ALG11: variants seen among roughly 807,000 people sequenced by gnomAD.
ALG11 encodes ALG11 alpha-1,2-mannosyltransferase, also known as GDP-Man:Man(3)GlcNAc(2)-PP-Dol alpha-1,2-mannosyltransferase.
A neutral mutation model predicts 38.8 loss-of-function variants in ALG11; 26 were observed. That is an observed-to-expected ratio of 0.67 (90% CI 0.49 to 0.93). The LOEUF (loss-of-function observed/expected upper bound fraction) is 0.93. ALG11 is among the 40% of genes least tolerant of loss of function. ALG11 has a pLI of 0.00. For synonymous variants in ALG11, 199 were observed against 211.6 expected (o/e 0.94, Z 0.52); for missense variants, 535 against 578.8 (o/e 0.92, Z 0.78).
At chr13:52,019,648 GA>G (rs1253757330) in intron 2 of ALG11, among the ~76,000 whole-genome samples, 8 of 152,136 alleles carry the variant, frequency 5.3e-5, no homozygotes, top group African/African-American at 1.9e-4. Flanking sequence ...CTATGATAAA[GA>G]AATAGACAAA....
intron 3 of ALG11, among the ~76,000 whole-genome samples, chr13:52,025,845 C>T (rs559928752): frequency 6.6e-6 from 1 of 152,222 alleles, no homozygotes; most frequent in Non-Finnish European, 1.5e-5. Flanking sequence ...TTCTCTTATA[C>T]TCTTTTTACT....
chr13:52,029,548 T>G lies in ALG11; in HGVS notation c.*958T>G, dbSNP rs1566712307. 1 of 1,613,492 alleles carries G rather than the reference T, an allele frequency of 6.2e-7. No homozygotes were observed. The highest frequency in any genetic ancestry group is 1.1e-5 in the South Asian group (1 of 91,058). ...CTCGAAAAGAGAAGAAAATCAAAAG[T>G]AAAAAGTATCACAAAGTCGTGAAGA... On this transcript the variant is annotated 3_prime_UTR_variant, in exon 4 of 4. Transcript: ENST00000521508.
Position 52,031,361 on chromosome 13 carries a change from G to T in ALG11, c.*2771G>T. 1 of 497,622 alleles carries T rather than the reference G, an allele frequency of 2.0e-6. No individual in the cohort carries two copies. The highest frequency in any genetic ancestry group is 3.5e-6 in the Non-Finnish European group (1 of 285,866). The allele number at this position is 497,622 out of a possible 1,614,324, so 30.8% of individuals were successfully genotyped here. On this transcript the variant is annotated 3_prime_UTR_variant, in exon 4 of 4. Transcript: ENST00000521508. ...GATGACCCTTTTGAATATACCTAAT[G>T]ATTTCCTTAAAAAAGAAATTTTAAA... is the stretch of plus-strand genomic sequence containing the variant.
At position 52,029,493 on chromosome 13, in the gene ALG11, G is replaced by A. The variant is rs147874976; in HGVS notation, c.*903G>A. Reference sequence around the variant, plus strand: ...CACCGAGCAGAGCTTCAGAGGGCTCGGGCTCTGCAGTCCTACTATGAGGCC... The same window carrying A: ...CACCGAGCAGAGCTTCAGAGGGCTCAGGCTCTGCAGTCCTACTATGAGGCC... On this transcript the variant is annotated 3_prime_UTR_variant, in exon 4 of 4. Transcript: ENST00000521508. The A allele has an allele frequency of 1.7e-5, 27 of 1,614,136 alleles. No homozygotes were observed. The African/African-American group carries it at 2.0e-4, about 12-fold the overall frequency.
rs748982784 is a variant in ALG11, at chr13:52,012,445, C to A, written c.27C>A (p.Cys9Ter). 1.2e-6 allele frequency: 2 copies of A among 1,614,086 alleles called. No individual in the cohort carries two copies. Among genetic ancestry groups the A allele is most frequent in the Admixed American group, 3.3e-5 (2 of 60,028 alleles). MAAGERSW[C>*]LCKLLRFFYS... ...TGGCGGCCGGCGAAAGGAGCTGGTG[C>A]CTGTGCAAGTTGTTGAGGTGAGCAG... The change falls in exon 1 of 4, where the codon TGC becomes TGA. Residue 9 changes from cysteine (C) to a stop codon, truncating the protein, a stop_gained. Transcript: ENST00000521508. LOFTEE classifies it high-confidence loss of function.
chr13:52,028,364 A>G lies in ALG11; in HGVS notation c.1253A>G (p.Asn418Ser). The G allele has an allele frequency of 6.2e-7, 1 of 1,614,156 alleles. No individual in the cohort carries two copies. Among genetic ancestry groups the G allele is most frequent in the Non-Finnish European group, 8.5e-7 (1 of 1,180,028 alleles). The part of the protein sequence containing the change: ...MAAGTIILAH[N>S]SGGPKLDIVV... ...GCTGGCACAATTATCCTTGCACACA[A>G]TTCGGGGGGCCCAAAGCTTGACATT... is the stretch of plus-strand genomic sequence containing the variant. The change falls in exon 4 of 4, where the codon AAT (asparagine) becomes AGT (serine). Residue 418 changes from asparagine to serine, a missense_variant. Transcript: ENST00000521508.
intron 1 of ALG11, among the ~76,000 whole-genome samples, chr13:52,014,321 A>AAAG (rs1180186194): frequency 6.6e-6 from 1 of 152,184 alleles, no homozygotes; most frequent in Non-Finnish European, 1.5e-5. Context: ...TTGGTTTGGA[A>AAAG]AAGATAGTTT....
In ALG11 at chr13:52,031,673, G is replaced by C. The variant is rs574248607; in HGVS notation, c.*3083G>C. 1 of 168,390 alleles carries C rather than the reference G, an allele frequency of 5.9e-6. No homozygotes were observed. The highest frequency in any genetic ancestry group is 2.4e-5 in the African/African-American group (1 of 41,438). The allele number at this position is 168,390 out of a possible 1,614,324, so 10.4% of individuals were successfully genotyped here. On this transcript the variant is annotated 3_prime_UTR_variant, in exon 4 of 4. Coordinates refer to ENST00000521508, the MANE Select transcript of ALG11 (RefSeq NM_001004127.3). ...ATATGATATACAGATACATCCACAGGGTATCTATTACCAGCATAATGCATT... is the reference window on the plus strand; with the variant it reads ...ATATGATATACAGATACATCCACAGCGTATCTATTACCAGCATAATGCATT...
At chr13:52,028,209 T>C in intron 3 of ALG11, 110 bp from the exon 4 acceptor site, 2 of 1,275,606 alleles carry the variant, frequency 1.6e-6, no homozygotes, top group Non-Finnish European at 2.2e-6. Flanking sequence ...ATACATTTAA[T>C]TAAGTTTCTC....
chr13:52,022,958 C>T (rs1011972887), intron 2 of ALG11: 7 of 152,196 alleles, frequency 4.6e-5, no homozygotes, highest in African/African-American at 1.7e-4. Flanking sequence ...CCACTGCACC[C>T]AGCCAATAAA....
In ALG11 at chr13:52,023,998, T is replaced by C. The variant is rs777930199; in HGVS notation, c.276-8T>C. On this transcript the variant is annotated splice_region_variant and splice_polypyrimidine_tract_variant and intron_variant, in intron 2 of 3. Transcript: ENST00000521508. ...TAATATATTCTTAACCATTACATTC[T>C]ATTTTAGGTATCCTGAAGCAGTTTA... is the stretch of plus-strand genomic sequence containing the variant. 1 of 1,613,456 alleles carries C rather than the reference T, an allele frequency of 6.2e-7. No individual in the cohort carries two copies. The highest frequency in any genetic ancestry group is 8.5e-7 in the Non-Finnish European group (1 of 1,179,508).
At chr13:52,026,540 G>A (rs1001837925) in intron 3 of ALG11, among the ~76,000 whole-genome samples, 1 of 152,192 alleles carries the variant, frequency 6.6e-6, no homozygotes, top group East Asian at 1.9e-4. Flanking sequence ...GCTGAACTTC[G>A]TAGGTGAACA....
intron 2 of ALG11, chr13:52,022,338 C>T (rs1179621826): frequency 1.3e-5 from 2 of 152,288 alleles, no homozygotes; most frequent in Middle Eastern, 3.4e-3. Flanking sequence ...ACTGTACTCC[C>T]GCCTGGGCGA....
Position 52,031,140 on chromosome 13 carries a change from T to A in ALG11, c.*2550T>A. ...CTGGAGAAGTGACAGTCAGGGGCCC[T>A]GATTCCACTTCCTTTGGTCCAGTTT... On this transcript the variant is annotated 3_prime_UTR_variant, in exon 4 of 4. Coordinates refer to ENST00000521508, the MANE Select transcript of ALG11 (RefSeq NM_001004127.3). 6.4e-7 allele frequency: 1 copy of A among 1,570,550 alleles called. No homozygotes were observed. Among genetic ancestry groups the A allele is most frequent in the East Asian group, 2.2e-5 (1 of 44,576 alleles).
intron 2 of ALG11, 64 bp from the exon 3 acceptor site, chr13:52,023,942 G>A (rs564468615): frequency 3.7e-5 from 55 of 1,470,912 alleles, no homozygotes; most frequent in South Asian, 2.1e-4. Flanking sequence ...TTACAGGTGC[G>A]TGCCACCGTG....
Position 52,030,070 on chromosome 13 carries a change from T to C in ALG11, c.*1480T>C, listed in dbSNP as rs1490390456. ...AGGAAGAAATTTTGTTGAGAGAATT[T>C]GAGGAAAGGCAATCCCTTAGAAAAA... is the stretch of plus-strand genomic sequence containing the variant. On this transcript the variant is annotated 3_prime_UTR_variant, in exon 4 of 4. Transcript: ENST00000521508. 6.2e-7 allele frequency: 1 copy of C among 1,614,110 alleles called. No homozygotes were observed. Among genetic ancestry groups the C allele is most frequent in the Non-Finnish European group, 8.5e-7 (1 of 1,180,016 alleles).
chr13:52,017,106 T>G (rs1356030038), intron 1 of ALG11: 1 of 152,176 alleles, frequency 6.6e-6, no homozygotes, highest in East Asian at 1.9e-4. Context: ...AAAATTTGAC[T>G]GCCCCACTGG....
In ALG11 at chr13:52,031,831, C is replaced by T. The variant is rs1421430649; in HGVS notation, c.*3241C>T. 17 of 167,094 alleles carry T rather than the reference C, an allele frequency of 1.0e-4. No homozygotes were observed. Among genetic ancestry groups the T allele is most frequent in the Non-Finnish European group, 2.5e-4 (17 of 68,124 alleles). The allele number at this position is 167,094 out of a possible 1,614,324, so 10.4% of individuals were successfully genotyped here. A position where few individuals can be genotyped will look rare whatever the true frequency, so the allele number is the denominator to read the frequency against. ...GCTGCTCCTTTATCTTTCTGAGTCT[C>T]AGATTCTTCATCTGTAATCTGGAGT... On this transcript the variant is annotated 3_prime_UTR_variant, in exon 4 of 4. Coordinates refer to ENST00000521508, the MANE Select transcript of ALG11 (RefSeq NM_001004127.3).
rs1438497252 is a variant in ALG11, at chr13:52,028,448, C to G, written c.1337C>G (p.Ala446Gly). 3 of 1,614,034 alleles carry G rather than the reference C, an allele frequency of 1.9e-6. No homozygotes were observed. Among genetic ancestry groups the G allele is most frequent in the African/African-American group, 1.3e-5 (1 of 74,924 alleles). The change falls in exon 4 of 4, where the codon GCT (alanine) becomes GGT (glycine). Residue 446 changes from alanine to glycine, a missense_variant. Ala to Gly is a moderately conservative substitution (Grantham distance 60). Coordinates refer to ENST00000521508, the MANE Select transcript of ALG11 (RefSeq NM_001004127.3). ...CTGGCTGAGAGTGAAGAAGACTATG[C>G]TGAAACTATCGCTCACATTCTTTCC... ...GFLAESEEDYAETIAHILSMS... is the reference protein window; with the variant it reads ...GFLAESEEDYGETIAHILSMS...
Sources: gnomAD v4.1 joint callset for allele counts (sites outside exome capture counted in the v4.1 genomes callset) on GRCh38, gnomAD v4.1.1 for gene constraint, MANE v1.5 for transcripts, NCBI Gene and HGNC (gene_info 2026-07-23, HGNC 2026-07-21) for gene names.